MIPOL1: variants seen among roughly 807,000 people sequenced by gnomAD.
The protein encoded by MIPOL1 is mirror-image polydactyly 1.
In MIPOL1, 57 loss-of-function variants were observed where a neutral mutation model predicts 60.9. That is an observed-to-expected ratio of 0.94 (90% CI 0.76 to 1.17). The LOEUF is 1.17. Among genes scored for constraint, MIPOL1 ranks in the 50% most tolerant of loss-of-function variants. The pLI is 0.00. For synonymous variants in MIPOL1, 179 were observed against 168.8 expected, an observed-to-expected ratio of 1.06 and a Z score of -0.47; for missense variants, 551 against 511.6, an observed-to-expected ratio of 1.08 and a Z score of -0.74.
chr14:37,463,783 C>T (rs1220507316), intron 11 of MIPOL1, among the ~76,000 whole-genome samples: 1 of 152,122 alleles, frequency 6.6e-6, no homozygotes, highest in Non-Finnish European at 1.5e-5. Flanking sequence ...TAAAAAGCTT[C>T]TTGACAGCAA....
intron 9 of MIPOL1, among the ~76,000 whole-genome samples, chr14:37,339,836 G>A (rs2090440018): frequency 6.6e-6 from 1 of 152,108 alleles, no homozygotes; most frequent in Non-Finnish European, 1.5e-5. Flanking sequence ...GTGGAGATTG[G>A]TGCAGACTGG....
chr14:37,262,822 A>G (rs995151670), intron 3 of MIPOL1, among the ~76,000 whole-genome samples: 1 of 152,078 alleles, frequency 6.6e-6, no homozygotes, highest in African/African-American at 2.4e-5. Flanking sequence ...TTCTAGCTCA[A>G]CCACTCTGAA....
intron 11 of MIPOL1, among the ~76,000 whole-genome samples, chr14:37,468,494 C>T (rs550687480): frequency 3.9e-5 from 6 of 151,986 alleles, no homozygotes; most frequent in South Asian, 2.1e-4. Flanking sequence ...GTCTGTAATC[C>T]ACATTGGTTA....
At chr14:37,292,378 C>T (rs1255125689) in intron 7 of MIPOL1, among the ~76,000 whole-genome samples, 1 of 148,284 alleles carries the variant, frequency 6.7e-6, no homozygotes, top group Non-Finnish European at 1.5e-5. Context: ...CACATCATTT[C>T]TTTGCATCTT....
intron 9 of MIPOL1, among the ~76,000 whole-genome samples, chr14:37,362,762 G>A (rs889649594): frequency 1.3e-5 from 2 of 151,990 alleles, no homozygotes; most frequent in African/African-American, 4.8e-5. Context: ...ATGTAGATTT[G>A]GTCTTTTCAC....
At chr14:37,262,810 A>G (rs1329314065) in intron 3 of MIPOL1, among the ~76,000 whole-genome samples, 2 of 152,154 alleles carry the variant, frequency 1.3e-5, no homozygotes, top group East Asian at 1.9e-4. Context: ...CCCTAGAGAC[A>G]ATTCTAGCTC....
At chr14:37,421,003 A>G (rs960442464) in intron 10 of MIPOL1, among the ~76,000 whole-genome samples, 1 of 152,172 alleles carries the variant, frequency 6.6e-6, no homozygotes, top group East Asian at 1.9e-4. Context: ...AAAAAATTAG[A>G]TACTGGGAAT....
intron 12 of MIPOL1, among the ~76,000 whole-genome samples, chr14:37,521,763 G>A (rs2095414243): frequency 6.6e-6 from 1 of 151,342 alleles, no homozygotes; most frequent in Non-Finnish European, 1.5e-5. Flanking sequence ...ATTTTAAAAA[G>A]CAAAAAAAGT....
chr14:37,385,052 G>A (rs1198788636), intron 10 of MIPOL1, among the ~76,000 whole-genome samples: 8 of 151,876 alleles, frequency 5.3e-5, no homozygotes, highest in African/African-American at 1.7e-4. Flanking sequence ...TGAGTTGTAC[G>A]TTAAACTTTC....
At chr14:37,357,966 T>G (rs2091960413) in intron 9 of MIPOL1, among the ~76,000 whole-genome samples, 1 of 152,088 alleles carries the variant, frequency 6.6e-6, no homozygotes, top group South Asian at 2.1e-4. Flanking sequence ...GTTAGGTATT[T>G]CTCCTAATGC....
intron 11 of MIPOL1, among the ~76,000 whole-genome samples, chr14:37,481,872 C>T (rs955549484): frequency 2.0e-5 from 3 of 152,064 alleles, no homozygotes; most frequent in Admixed American, 6.6e-5. Flanking sequence ...GCTTAGAAAA[C>T]TTGATATTTA....
At chr14:37,450,009 C>T (rs1207093818) in intron 11 of MIPOL1, among the ~76,000 whole-genome samples, 3 of 151,984 alleles carry the variant, frequency 2.0e-5, no homozygotes, top group South Asian at 2.1e-4. Context: ...GACAGGGTTT[C>T]GCCATACTGG....
Position 37,426,594 on chromosome 14 carries a change from T to TATATATATATATATATATAC in MIPOL1, c.1031+3646_1031+3647insTATATATATATATATATACA, listed in dbSNP as rs1447990257. Among the ~76,000 whole-genome samples, 374 of 125,278 alleles carry TATATATATATATATATATAC rather than the reference T, an allele frequency of 3.0e-3. 1 individual carries two copies. The highest frequency in any genetic ancestry group is 4.4e-3 in the Non-Finnish European group (266 of 60,592). The allele number at this position is 125,278 out of a possible 152,430, so 82.2% of individuals were successfully genotyped here. A position where few individuals can be genotyped will look rare whatever the true frequency, so the allele number is the denominator to read the frequency against. On this transcript the variant is annotated intron_variant, in intron 11 of 12. Transcript: ENST00000684589. The stretch of plus-strand genomic sequence containing the variant: ...ACATATATATATATATATATATATA[T>TATATATATATATATATATAC]ACACACACACATACATATATAATAT...
intron 9 of MIPOL1, among the ~76,000 whole-genome samples, chr14:37,315,300 CCTTACATTTG>C: frequency 6.6e-6 from 1 of 152,248 alleles, no homozygotes; most frequent in South Asian, 2.1e-4. Context: ...AATGTGCCAA[CCTTACATTTG>C]ATTGAAGTAC....
At chr14:37,333,849 G>A (rs1278391143) in intron 9 of MIPOL1, among the ~76,000 whole-genome samples, 3 of 152,042 alleles carry the variant, frequency 2.0e-5, no homozygotes, top group Non-Finnish European at 4.4e-5. Context: ...CGTTAGAGAA[G>A]GCTTGACTTT....
rs1367081360 is a variant in MIPOL1, at chr14:37,547,855, T to C, written c.*884T>C. 6.6e-6 allele frequency: 1 copy of C among 152,030 alleles called. No homozygotes were observed. The highest frequency in any genetic ancestry group is 2.4e-5 in the African/African-American group (1 of 41,442). The allele number at this position is 152,030 out of a possible 1,614,324, so 9.4% of individuals were successfully genotyped here. ...TGATTTTTATTGTGGAGGAGGAGGA[T>C]CTAATATATAATATTCAATACAATT... On this transcript the variant is annotated 3_prime_UTR_variant, in exon 13 of 13. Coordinates refer to ENST00000684589, the MANE Select transcript of MIPOL1 (RefSeq NM_001388067.1).
At chr14:37,459,539 C>T (rs1042741125) in intron 11 of MIPOL1, among the ~76,000 whole-genome samples, 1 of 151,964 alleles carries the variant, frequency 6.6e-6, no homozygotes, top group African/African-American at 2.4e-5. Context: ...TTTCCAACAA[C>T]AACAAAAAGC....
intron 7 of MIPOL1, among the ~76,000 whole-genome samples, chr14:37,299,639 T>C (rs1260777808): frequency 6.6e-6 from 1 of 152,102 alleles, no homozygotes. Flanking sequence ...TTTATATTTC[T>C]AGAACAGTTG....
rs1220331665 is a variant in MIPOL1 at position 37,549,090 on chromosome 14, C to T, written c.*2119C>T. 6.6e-6 allele frequency: 1 copy of T among 151,810 alleles called. No homozygotes were observed. The highest frequency in any genetic ancestry group is 1.5e-5 in the Non-Finnish European group (1 of 67,790). 9.4% of individuals were successfully genotyped at this position (151,810 alleles called of 1,614,324 possible). On this transcript the variant is annotated 3_prime_UTR_variant, in exon 13 of 13. Coordinates refer to ENST00000684589, the MANE Select transcript of MIPOL1 (RefSeq NM_001388067.1). ...GTCCATCAACAGTGTGTCAGATGGT[C>T]TTTATATATTTTTTCTGTATGAAGG...
Sources: allele counts gnomAD v4.1 joint callset (sites outside exome capture counted in the v4.1 genomes callset), GRCh38; gene constraint gnomAD v4.1.1; transcripts MANE v1.5; gene names NCBI Gene and HGNC (gene_info 2026-07-23, HGNC 2026-07-21).